The following RPTOR variants were observed in gnomAD, a reference collection of about 807,000 sequenced individuals.
The protein encoded by RPTOR is regulatory-associated protein of mTOR.
RPTOR carries 21 observed loss-of-function variants against 169.9 expected under a neutral mutation model. The ratio of observed to expected loss-of-function variants is 0.12; its 90% CI spans 0.09 to 0.18. The LOEUF (loss-of-function observed/expected upper bound fraction) is 0.18. RPTOR is among the 10% of genes least tolerant of loss of function. RPTOR has a pLI of 1.00. For missense variants in RPTOR, 1,133 were observed against 1,855.9 expected (o/e 0.61, Z 7.16); for synonymous variants, 732 against 753.2 (o/e 0.97, Z 0.46).
chr17:80,811,839 A>G (rs1300638011), intron 7 of RPTOR, among the ~76,000 whole-genome samples: 1 of 127,898 alleles, frequency 7.8e-6, no homozygotes, highest in Non-Finnish European at 1.8e-5. Flanking sequence ...AGCCTCTCCA[A>G]CAAGGCCTCA....
intron 7 of RPTOR, among the ~76,000 whole-genome samples, chr17:80,818,339 C>T (rs1016566802): frequency 6.6e-6 from 1 of 152,156 alleles, no homozygotes; most frequent in African/African-American, 2.4e-5. Context: ...AAAAGAGCCA[C>T]CTTGATCATT....
In RPTOR at chr17:80,947,437, C is replaced by T. The variant is rs2144058573; in HGVS notation, c.3265+86C>T. ...TGTGTGATCCTGAGATGTGTTTGTA[C>T]ATCTGTCTTACAGAAAGCCCTGCTC... On this transcript the variant is annotated intron_variant, in intron 27 of 33. Transcript: ENST00000306801. This position sits in a 1 kb window ranked among gnomAD's most constrained non-coding sequence, Gnocchi z 4.4. The T allele has an allele frequency of 7.0e-7, 1 of 1,427,428 alleles. No homozygotes were observed. The highest frequency in any genetic ancestry group is 9.2e-7 in the Non-Finnish European group (1 of 1,087,756). The allele number at this position is 1,427,428 out of a possible 1,614,324, so 88.4% of individuals were successfully genotyped here. A position where few individuals can be genotyped will look rare whatever the true frequency, so the allele number is the denominator to read the frequency against.
intron 11 of RPTOR, among the ~76,000 whole-genome samples, chr17:80,850,495 C>T (rs1179529756): frequency 1.3e-5 from 2 of 152,306 alleles, no homozygotes; most frequent in East Asian, 1.9e-4. Flanking sequence ...GCCGGAGCTC[C>T]GCCTCCTGGG....
rs545197599 is a variant in RPTOR, at chr17:80,707,463, G to C, written c.349-378G>C. ...CACTCAGGCTGGAGTACAGTGTTGTGATCATGGTTCACTGCAACCTCAACC... is the reference window on the plus strand; with the variant it reads ...CACTCAGGCTGGAGTACAGTGTTGTCATCATGGTTCACTGCAACCTCAACC... On this transcript the variant is annotated intron_variant, in intron 3 of 33. Transcript: ENST00000306801. The surrounding 1 kb of genome is among the most constrained non-coding windows in gnomAD (Gnocchi z 5.0). Among the ~76,000 whole-genome samples, 52 of 152,192 alleles carry C rather than the reference G, an allele frequency of 3.4e-4. No homozygotes were observed. Among genetic ancestry groups the C allele is most frequent in the African/African-American group, 1.3e-3 (52 of 41,506 alleles).
intron 10 of RPTOR, among the ~76,000 whole-genome samples, chr17:80,841,560 C>T (rs2067658853): frequency 7.1e-6 from 1 of 140,086 alleles, no homozygotes; most frequent in African/African-American, 2.7e-5. Context: ...ACTCTCACCG[C>T]ACGGCAGATC....
At chr17:80,579,893 G>A (rs1599570727) in intron 1 of RPTOR, among the ~76,000 whole-genome samples, 1 of 152,174 alleles carries the variant, frequency 6.6e-6, no homozygotes, top group Non-Finnish European at 1.5e-5. Flanking sequence ...GATGCTGAGT[G>A]TGGGATTATT....
At chr17:80,807,539 AC>A (rs1322872896) in intron 7 of RPTOR, among the ~76,000 whole-genome samples, 2 of 152,198 alleles carry the variant, frequency 1.3e-5, no homozygotes, top group Non-Finnish European at 1.5e-5. Context: ...TTTAGTACAG[AC>A]AGGGTTTCAC....
At position 80,754,720 on chromosome 17, in the gene RPTOR, C is replaced by T. The variant is rs1026795286; in HGVS notation, c.830+535C>T. 3.9e-5 allele frequency among the ~76,000 whole-genome samples: 6 copies of T among 152,180 alleles called. No individual in the cohort carries two copies. The highest frequency in any genetic ancestry group is 1.4e-4 in the African/African-American group (6 of 41,434). ...AGCCGCATTTCAGCCCCAACATCCC[C>T]AGCAGAACGCACAGTGGGATATGTG... On this transcript the variant is annotated intron_variant, in intron 6 of 33. Transcript: ENST00000306801. The surrounding 1 kb of genome is among the most constrained non-coding windows in gnomAD (Gnocchi z 4.2).
intron 5 of RPTOR, among the ~76,000 whole-genome samples, chr17:80,747,784 G>A (rs1192923679): frequency 6.6e-6 from 1 of 152,216 alleles, no homozygotes; most frequent in Non-Finnish European, 1.5e-5. Context: ...TTCTCATGTG[G>A]CTCCTGTACA....
chr17:80,735,803 G>A (rs1244291750), intron 5 of RPTOR, among the ~76,000 whole-genome samples: 1 of 152,144 alleles, frequency 6.6e-6, no homozygotes, highest in Non-Finnish European at 1.5e-5. Flanking sequence ...GCAAGTTTTT[G>A]GTGGGAGCCA....
At chr17:80,606,547 T>C (rs1358919674) in intron 1 of RPTOR, among the ~76,000 whole-genome samples, 3 of 152,104 alleles carry the variant, frequency 2.0e-5, no homozygotes, top group African/African-American at 4.8e-5. Flanking sequence ...TGATTGACAG[T>C]TTTTTCCCAC....
chr17:80,667,662 C>G (rs923276315), intron 3 of RPTOR, among the ~76,000 whole-genome samples: 1 of 152,156 alleles, frequency 6.6e-6, no homozygotes, highest in Non-Finnish European at 1.5e-5. Context: ...ACAAAGATAA[C>G]AAGTTGTTGA....
chr17:80,547,886 A>C (rs2084296028), intron 1 of RPTOR, among the ~76,000 whole-genome samples: 1 of 152,146 alleles, frequency 6.6e-6, no homozygotes, highest in African/African-American at 2.4e-5. Flanking sequence ...GGGTGGGAAC[A>C]GGGGCTCCCT....
At chr17:80,759,975 C>G (rs1043729827) in intron 6 of RPTOR, among the ~76,000 whole-genome samples, 1 of 152,110 alleles carries the variant, frequency 6.6e-6, no homozygotes, top group Non-Finnish European at 1.5e-5. Flanking sequence ...TATCCTTAAC[C>G]CTTCGCATTA....
chr17:80,937,881 C>T (rs2068973946), intron 24 of RPTOR, among the ~76,000 whole-genome samples: 1 of 152,258 alleles, frequency 6.6e-6, no homozygotes, highest in African/African-American at 2.4e-5. Flanking sequence ...TCACGCCGCA[C>T]CTCCACTTCT....
intron 7 of RPTOR, among the ~76,000 whole-genome samples, chr17:80,812,752 T>C (rs1399422852): frequency 6.6e-6 from 1 of 152,252 alleles, no homozygotes; most frequent in African/African-American, 2.4e-5. Context: ...CTAGCTGTTC[T>C]CCAGGTGAGA....
intron 1 of RPTOR, chr17:80,602,891 GT>G: frequency 2.1e-6 from 1 of 475,466 alleles, no homozygotes; most frequent in African/African-American, 2.0e-5. Flanking sequence ...CAGAATGGCC[GT>G]TTTTCTTCTC....
chr17:80,654,479 C>T (rs1057384436), intron 3 of RPTOR, among the ~76,000 whole-genome samples: 8 of 152,220 alleles, frequency 5.3e-5, no homozygotes, highest in African/African-American at 1.7e-4. Flanking sequence ...GTAACTGGCC[C>T]ATCTGTGGGT....
At chr17:80,934,309 A>T (rs777424187) in intron 24 of RPTOR, among the ~76,000 whole-genome samples, 1 of 151,804 alleles carries the variant, frequency 6.6e-6, no homozygotes, top group East Asian at 1.9e-4. Flanking sequence ...GTCATTCAAT[A>T]GCAAAGAGAT....
Sources: allele counts gnomAD v4.1 joint callset (sites outside exome capture counted in the v4.1 genomes callset), GRCh38; gene constraint gnomAD v4.1.1; non-coding constraint Gnocchi (gnomAD v3.1); transcripts MANE v1.5; gene names NCBI Gene and HGNC (gene_info 2026-07-23, HGNC 2026-07-21).